Variants in LRRC4C observed in about 807,000 individuals in gnomAD.
LRRC4C encodes leucine-rich repeat-containing protein 4C.
A neutral mutation model predicts 33.6 loss-of-function variants in LRRC4C; 5 were observed. That is an observed-to-expected ratio of 0.15 (90% CI 0.08 to 0.31). LRRC4C has a LOEUF of 0.31. Ranked by LOEUF, LRRC4C falls within the 10% of genes least tolerant of loss-of-function variation. The pLI, the probability that LRRC4C is intolerant of heterozygous loss-of-function variation, is 1.00. For missense variants in LRRC4C, 560 were observed against 796.7 expected, an observed-to-expected ratio of 0.70 and a Z score of 3.58; for synonymous variants, 329 against 302.0, an observed-to-expected ratio of 1.09 and a Z score of -0.93.
chr11:40,196,504 T>C (rs1179870987), intron 5 of LRRC4C, among the ~76,000 whole-genome samples: 3 of 152,244 alleles, frequency 2.0e-5, no homozygotes, highest in Non-Finnish European at 4.4e-5. Context: ...GTAACTTACC[T>C]TGGAACATTT....
chr11:40,591,205 A>G (rs1959039384), intron 3 of LRRC4C, among the ~76,000 whole-genome samples: 1 of 152,082 alleles, frequency 6.6e-6, no homozygotes, highest in African/African-American at 2.4e-5. Context: ...AGCCCGTCGG[A>G]AAAGCGCAGT....
At chr11:40,854,909 G>T (rs1953706121) in intron 2 of LRRC4C, among the ~76,000 whole-genome samples, 1 of 151,944 alleles carries the variant, frequency 6.6e-6, no homozygotes. Flanking sequence ...ACATTTGAAG[G>T]CAAGAGCTAA....
intron 3 of LRRC4C, among the ~76,000 whole-genome samples, chr11:40,647,932 C>T (rs1375408656): frequency 6.6e-6 from 1 of 152,160 alleles, no homozygotes; most frequent in Non-Finnish European, 1.5e-5. Context: ...CCTGCTTTCT[C>T]CTTTTGTAAC....
At chr11:41,118,708 TTCC>T (rs1270719812) in intron 1 of LRRC4C, among the ~76,000 whole-genome samples, 1 of 152,152 alleles carries the variant, frequency 6.6e-6, no homozygotes, top group East Asian at 1.9e-4. Context: ...GCAGAACCTC[TTCC>T]TTTTGTTATG....
intron 2 of LRRC4C, among the ~76,000 whole-genome samples, chr11:40,858,379 T>C (rs1411189801): frequency 2.0e-5 from 3 of 152,072 alleles, no homozygotes; most frequent in Admixed American, 6.6e-5. Context: ...GTCTAATGTA[T>C]TTCCTAAGAT....
intron 3 of LRRC4C, among the ~76,000 whole-genome samples, chr11:40,515,924 CTTTTA>C (rs1472120965): frequency 6.6e-6 from 1 of 151,918 alleles, no homozygotes. Context: ...ATTAAAATCC[CTTTTA>C]TTTTATGATA....
rs1055823425 is a variant in LRRC4C, at chr11:40,775,552, G to A, written c.-406-127274C>T. 1.6e-4 allele frequency among the ~76,000 whole-genome samples: 24 copies of A among 152,180 alleles called. 1 individual carries two copies. In the South Asian group the frequency reaches 2.9e-3, roughly 18 times the overall value. On this transcript the variant is annotated intron_variant, in intron 2 of 6. Coordinates refer to ENST00000528697, the MANE Select transcript of LRRC4C (RefSeq NM_001258419.2). The stretch of plus-strand genomic sequence containing the variant: ...TTTTATTTTTGGCTATTGTAAATGG[G>A]GTTGCCTTCTTTATTTGGCACTGTT...
chr11:41,176,168 T>A lies in LRRC4C; in HGVS notation c.-495-242445A>T, dbSNP rs187434013. ...CCCAAAAACTAACACAAAGTAAGCA[T>A]TAATTAAACATTTATTGAATAAATA... On this transcript the variant is annotated intron_variant, in intron 1 of 6. Transcript: ENST00000528697. Among the ~76,000 whole-genome samples the A allele has an allele frequency of 1.1e-4, 17 of 152,334 alleles. No individual in the cohort carries two copies. In the East Asian group the frequency reaches 2.7e-3, roughly 24 times the overall value.
At chr11:40,836,887 T>A (rs920447224) in intron 2 of LRRC4C, among the ~76,000 whole-genome samples, 1 of 152,146 alleles carries the variant, frequency 6.6e-6, no homozygotes, top group South Asian at 2.1e-4. Context: ...ATCTTTATTA[T>A]CATGTCACCT....
At chr11:40,277,478 C>A (rs1181366984) in intron 4 of LRRC4C, among the ~76,000 whole-genome samples, 1 of 151,916 alleles carries the variant, frequency 6.6e-6, no homozygotes, top group East Asian at 1.9e-4. Flanking sequence ...GAGGAAGGAA[C>A]TATAAAAAGC....
intron 2 of LRRC4C, among the ~76,000 whole-genome samples, chr11:40,678,244 G>A (rs547345231): frequency 6.6e-6 from 1 of 152,044 alleles, no homozygotes; most frequent in African/African-American, 2.4e-5. Flanking sequence ...CATCACCCAA[G>A]TAATGAGTAT....
intron 3 of LRRC4C, among the ~76,000 whole-genome samples, chr11:40,630,283 G>C (rs1473267171): frequency 6.6e-6 from 1 of 151,906 alleles, no homozygotes; most frequent in African/African-American, 2.4e-5. Flanking sequence ...TAAAGATGCA[G>C]AACTTTAATA....
intron 3 of LRRC4C, among the ~76,000 whole-genome samples, chr11:40,543,474 C>G (rs1956802396): frequency 6.6e-6 from 1 of 152,032 alleles, no homozygotes; most frequent in African/African-American, 2.4e-5. Context: ...CAAAACAGAG[C>G]CATGCACACA....
intron 2 of LRRC4C, among the ~76,000 whole-genome samples, chr11:40,933,285 G>A (rs751032939): frequency 6.6e-5 from 10 of 152,208 alleles, no homozygotes; most frequent in Non-Finnish European, 1.5e-4. Context: ...TGTAATTTGT[G>A]TGCCTCAAGG....
chr11:40,551,970 T>C (rs1208232244), intron 3 of LRRC4C, among the ~76,000 whole-genome samples: 1 of 152,196 alleles, frequency 6.6e-6, no homozygotes, highest in East Asian at 1.9e-4. Context: ...ATATGAGTGA[T>C]CCTCATCCAA....
chr11:40,887,365 G>A (rs1005643287), intron 2 of LRRC4C, among the ~76,000 whole-genome samples: 26 of 151,926 alleles, frequency 1.7e-4, no homozygotes, highest in Non-Finnish European at 3.1e-4. Context: ...AAAATAGGAT[G>A]ACTAGATGCA....
chr11:41,041,799 T>A (rs769274033), intron 1 of LRRC4C, among the ~76,000 whole-genome samples: 1 of 152,084 alleles, frequency 6.6e-6, no homozygotes, highest in Non-Finnish European at 1.5e-5. Context: ...CACAAACATA[T>A]ACTCACAGCC....
At chr11:40,890,222 T>A (rs770517374) in intron 2 of LRRC4C, among the ~76,000 whole-genome samples, 2 of 152,172 alleles carry the variant, frequency 1.3e-5, no homozygotes, top group Non-Finnish European at 2.9e-5. Flanking sequence ...GTAGGTAATA[T>A]ATTAAAATAA....
chr11:41,189,749 G>A (rs541572103), intron 1 of LRRC4C, among the ~76,000 whole-genome samples: 46 of 152,308 alleles, frequency 3.0e-4, no homozygotes, highest in African/African-American at 1.0e-3. Flanking sequence ...GAAGTAGGTC[G>A]TGTGAAGACA....
Sources: allele counts gnomAD v4.1 joint callset (sites outside exome capture counted in the v4.1 genomes callset), GRCh38; gene constraint gnomAD v4.1.1; transcripts MANE v1.5; gene names NCBI Gene and HGNC (gene_info 2026-07-23, HGNC 2026-07-21).